SLC24A3: variants seen among roughly 807,000 people sequenced by gnomAD.
The protein encoded by SLC24A3 is solute carrier family 24 member 3, also known as sodium/potassium/calcium exchanger 3.
In SLC24A3, 28 loss-of-function variants were observed where a neutral mutation model predicts 75.8. That is an observed-to-expected ratio of 0.37 (90% CI 0.27 to 0.51). The LOEUF is 0.51. SLC24A3 is among the 20% of genes least tolerant of loss of function. The pLI is 0.94. For missense variants in SLC24A3, 663 were observed against 847.8 expected (o/e 0.78, Z 2.71); for synonymous variants, 372 against 334.1 (o/e 1.11, Z -1.24).
In SLC24A3 at chr20:19,477,813, T is replaced by C. The variant is rs573360360; in HGVS notation, c.272-37675T>C. 2.6e-5 allele frequency among the ~76,000 whole-genome samples: 4 copies of C among 152,344 alleles called. No homozygotes were observed. In the South Asian group the frequency reaches 8.3e-4, roughly 32 times the overall value. ...TATAGTATACACTGTACCTACTGACTCTACCCTGTGTGATACAAAACCATT... is the reference window on the plus strand; with the variant it reads ...TATAGTATACACTGTACCTACTGACCCTACCCTGTGTGATACAAAACCATT... On this transcript the variant is annotated intron_variant, in intron 2 of 16. Transcript: ENST00000328041.
At chr20:19,460,252 G>C (rs1987646375) in intron 2 of SLC24A3, among the ~76,000 whole-genome samples, 1 of 152,104 alleles carries the variant, frequency 6.6e-6, no homozygotes, top group Non-Finnish European at 1.5e-5. Context: ...GGCTCTGAAA[G>C]AAAGATATGG....
intron 2 of SLC24A3, among the ~76,000 whole-genome samples, chr20:19,357,626 T>G (rs759442097): frequency 1.2e-4 from 19 of 152,202 alleles, no homozygotes; most frequent in Non-Finnish European, 2.5e-4. Flanking sequence ...CAGTGTGCCA[T>G]TTCTTCTTCT....
At chr20:19,472,380 C>T (rs11908028) in intron 2 of SLC24A3, among the ~76,000 whole-genome samples, 1,650 of 152,316 alleles carry the variant, frequency 0.011, 25 homozygotes, top group African/African-American at 0.036. Context: ...CCTTCTTTAC[C>T]TTCCAGAGAA....
chr20:19,577,919 A>G (rs6106107), intron 3 of SLC24A3, among the ~76,000 whole-genome samples: 10,007 of 152,300 alleles, frequency 0.066, 541 homozygotes, highest in African/African-American at 0.14. Flanking sequence ...ATACTAGTGC[A>G]TATGTCTTTA....
chr20:19,715,007 A>G (rs2033029296), intron 15 of SLC24A3, among the ~76,000 whole-genome samples: 1 of 152,186 alleles, frequency 6.6e-6, no homozygotes, highest in Non-Finnish European at 1.5e-5. Flanking sequence ...CTCTTAGAAG[A>G]TATCTGTATG....
intron 15 of SLC24A3, among the ~76,000 whole-genome samples, chr20:19,701,598 G>A (rs749956528): frequency 5.3e-5 from 8 of 152,172 alleles, no homozygotes; most frequent in Non-Finnish European, 7.3e-5. Flanking sequence ...TACGTGACAA[G>A]GATGCCAATG....
At chr20:19,248,377 C>G (rs6112274) in intron 1 of SLC24A3, among the ~76,000 whole-genome samples, 1 of 151,996 alleles carries the variant, frequency 6.6e-6, no homozygotes, top group Non-Finnish European at 1.5e-5. Context: ...AAAAAAATGA[C>G]GATGGTTTTG....
At chr20:19,443,329 C>CT (rs1987326352) in intron 2 of SLC24A3, among the ~76,000 whole-genome samples, 1 of 149,386 alleles carries the variant, frequency 6.7e-6, no homozygotes, top group African/African-American at 2.6e-5. Flanking sequence ...AATGTCTCTC[C>CT]TTTTTTTAGT....
At chr20:19,383,177 C>T (rs755936030) in intron 2 of SLC24A3, among the ~76,000 whole-genome samples, 21 of 152,270 alleles carry the variant, frequency 1.4e-4, no homozygotes, top group Non-Finnish European at 2.8e-4. Flanking sequence ...ATACATATTT[C>T]TTTGGATGCT....
chr20:19,437,273 A>G (rs1036546522), intron 2 of SLC24A3, among the ~76,000 whole-genome samples: 1 of 152,268 alleles, frequency 6.6e-6, no homozygotes, highest in South Asian at 2.1e-4. Flanking sequence ...TCATGGGGGC[A>G]GTTTTCCCCA....
chr20:19,600,928 T>G (rs1020316553), intron 6 of SLC24A3, among the ~76,000 whole-genome samples: 1 of 152,196 alleles, frequency 6.6e-6, no homozygotes. Flanking sequence ...CCCAAGGCAC[T>G]GAGATTGCAG....
At chr20:19,345,377 AT>A (rs1245769416) in intron 2 of SLC24A3, among the ~76,000 whole-genome samples, 1 of 152,220 alleles carries the variant, frequency 6.6e-6, no homozygotes, top group Non-Finnish European at 1.5e-5. Flanking sequence ...TCAGTAATTT[AT>A]TTTGTGGATA....
intron 10 of SLC24A3, among the ~76,000 whole-genome samples, chr20:19,683,314 A>G (rs1405394819): frequency 6.6e-6 from 1 of 152,212 alleles, no homozygotes; most frequent in Non-Finnish European, 1.5e-5. Flanking sequence ...AGATCACTTC[A>G]TGCTTTAGTG....
chr20:19,714,266 A>G (rs2033019620), intron 15 of SLC24A3, among the ~76,000 whole-genome samples: 1 of 152,182 alleles, frequency 6.6e-6, no homozygotes, highest in South Asian at 2.1e-4. Context: ...TTAGCTAGGC[A>G]TAGTGGTGTG....
rs566411222 is a variant in SLC24A3, at chr20:19,218,693, GC to G, written c.142+5710del. Among the ~76,000 whole-genome samples, 953 of 150,640 alleles carry G rather than the reference GC, an allele frequency of 6.3e-3. 10 individuals are homozygous for G. The highest frequency in any genetic ancestry group is 0.022 in the African/African-American group (909 of 41,064). ...TGCAAGCCTCAAATCCTTGTGGGAA[GC>G]TTTTTTTTTTTTTCTTCACCCTGGA... is the stretch of plus-strand genomic sequence containing the variant. On this transcript the variant is annotated intron_variant, in intron 1 of 16. Coordinates refer to ENST00000328041, the MANE Select transcript of SLC24A3 (RefSeq NM_020689.4).
chr20:19,687,584 C>T (rs554086203), intron 12 of SLC24A3, among the ~76,000 whole-genome samples: 176 of 152,316 alleles, frequency 1.2e-3, no homozygotes, highest in African/African-American at 3.9e-3. Context: ...ACTAATTAAA[C>T]AGTCGAGCCA....
At chr20:19,592,874 C>CA (rs1734498106) in intron 6 of SLC24A3, among the ~76,000 whole-genome samples, 1 of 145,108 alleles carries the variant, frequency 6.9e-6, no homozygotes, top group African/African-American at 2.5e-5. Flanking sequence ...TGGCTCACTA[C>CA]AACCTCCACC....
At chr20:19,464,604 C>T (rs1166776661) in intron 2 of SLC24A3, among the ~76,000 whole-genome samples, 1 of 152,192 alleles carries the variant, frequency 6.6e-6, no homozygotes, top group African/African-American at 2.4e-5. Flanking sequence ...TCTTCCTGGG[C>T]CTGGTGTCTG....
At chr20:19,233,793 G>T (rs944328420) in intron 1 of SLC24A3, among the ~76,000 whole-genome samples, 1 of 152,214 alleles carries the variant, frequency 6.6e-6, no homozygotes, top group Non-Finnish European at 1.5e-5. Context: ...AGGAGTGCTG[G>T]ACAGTGACTC....
Sources: gnomAD v4.1 joint callset for allele counts (sites outside exome capture counted in the v4.1 genomes callset) on GRCh38, gnomAD v4.1.1 for gene constraint, MANE v1.5 for transcripts, NCBI Gene and HGNC (gene_info 2026-07-23, HGNC 2026-07-21) for gene names.